ACTR2: variants seen among roughly 807,000 people sequenced by gnomAD.
ACTR2 encodes actin related protein 2.
ACTR2 carries 5 observed loss-of-function variants against 50.2 expected under a neutral mutation model. The ratio of observed to expected loss-of-function variants is 0.10; its 90% CI spans 0.05 to 0.21. The LOEUF (loss-of-function observed/expected upper bound fraction) is 0.21, where lower values mean the gene tolerates loss of function less well. Ranked by LOEUF, ACTR2 falls within the 10% of genes least tolerant of loss-of-function variation. The probability of loss-of-function intolerance (pLI) is 1.00; values close to 1 mark genes in which losing one functional copy is unlikely to be tolerated. For missense variants in ACTR2, 180 were observed against 480.6 expected (o/e 0.37, Z 5.85); for synonymous variants, 140 against 162.9 (o/e 0.86, Z 1.07).
intron 1 of ACTR2, among the ~76,000 whole-genome samples, chr2:65,231,494 G>T (rs1360440261): frequency 6.6e-6 from 1 of 152,132 alleles, no homozygotes; most frequent in African/African-American, 2.4e-5. Context: ...GGAAATAGTT[G>T]TTATCCTAAG....
At chr2:65,251,002 T>C in intron 3 of ACTR2, 25 bp from the exon 4 acceptor site, 5 of 1,547,118 alleles carry the variant, frequency 3.2e-6, no homozygotes, top group Non-Finnish European at 4.4e-6. Context: ...AATACCAGTT[T>C]TTTTCTTTCT....
chr2:65,266,212 A>G (rs1011153384), intron 8 of ACTR2, among the ~76,000 whole-genome samples: 1 of 152,340 alleles, frequency 6.6e-6, no homozygotes, highest in African/African-American at 2.4e-5. Flanking sequence ...AGTGATATGA[A>G]GAAAAGTAAG....
At chr2:65,246,391 T>A in intron 2 of ACTR2, 133 bp from the exon 3 acceptor site, 1 of 660,296 alleles carries the variant, frequency 1.5e-6, no homozygotes. Flanking sequence ...TTGTTCTTGA[T>A]AGAAAAGATT....
chr2:65,247,078 GTTAA>G (rs1238010595), intron 3 of ACTR2, among the ~76,000 whole-genome samples: 1 of 152,104 alleles, frequency 6.6e-6, no homozygotes, highest in Non-Finnish European at 1.5e-5. Context: ...CAGTTACAGA[GTTAA>G]TTAAATGGTT....
Position 65,234,552 on chromosome 2 carries a change from G to C in ACTR2, c.49-5300G>C, listed in dbSNP as rs1366870144. ...TATACTCATAAGAATGTTAAGATACGAACTACCCATCTGAACGATTATAAT... is the reference window on the plus strand; with the variant it reads ...TATACTCATAAGAATGTTAAGATACCAACTACCCATCTGAACGATTATAAT... On this transcript the variant is annotated intron_variant, in intron 1 of 8. Coordinates refer to ENST00000260641, the MANE Select transcript of ACTR2 (RefSeq NM_005722.4). 3.9e-5 allele frequency among the ~76,000 whole-genome samples: 6 copies of C among 152,084 alleles called. No homozygotes were observed. The South Asian group carries it at 1.2e-3, about 31-fold the overall frequency.
intron 7 of ACTR2, 97 bp downstream of exon 7, chr2:65,261,489 G>A (rs1191666708): frequency 1.7e-6 from 2 of 1,184,376 alleles, no homozygotes; most frequent in South Asian, 1.7e-5. Flanking sequence ...TAAATAGAAT[G>A]ACTAAGTTTA....
At chr2:65,238,649 A>ATT (rs1671783356) in intron 1 of ACTR2, among the ~76,000 whole-genome samples, 2 of 135,362 alleles carry the variant, frequency 1.5e-5, no homozygotes, top group African/African-American at 2.8e-5. Context: ...ACAGAGCGAG[A>ATT]CTGTCTAAAA....
At chr2:65,250,919 T>C in intron 3 of ACTR2, 108 bp from the exon 4 acceptor site, 1 of 615,956 alleles carries the variant, frequency 1.6e-6, no homozygotes, top group Non-Finnish European at 2.7e-6. Flanking sequence ...TTCAGGTCCA[T>C]TTGATTCTAT....
chr2:65,237,659 C>T (rs190371452), intron 1 of ACTR2, among the ~76,000 whole-genome samples: 8 of 152,150 alleles, frequency 5.3e-5, no homozygotes, highest in Admixed American at 2.6e-4. Flanking sequence ...CAGACCAGCC[C>T]GTGCAACATA....
Position 65,260,766 on chromosome 2 carries a change from A to T in ACTR2, c.736-481A>T, listed in dbSNP as rs57434359. 8.1e-3 allele frequency among the ~76,000 whole-genome samples: 1,029 copies of T among 126,518 alleles called. 23 individuals carry two copies. Among genetic ancestry groups the T allele is most frequent in the African/African-American group, 0.029 (945 of 32,988 alleles). The allele number at this position is 126,518 out of a possible 152,430, so 83.0% of individuals were successfully genotyped here. ...TTTTTTTGAGATGGAGTCTCGCTCT[A>T]TTGCCCCTGCTGGAGTGCAGTGGCG... On this transcript the variant is annotated intron_variant, in intron 6 of 8. Coordinates refer to ENST00000260641, the MANE Select transcript of ACTR2 (RefSeq NM_005722.4).
At chr2:65,239,378 C>T (rs1038873115) in intron 1 of ACTR2, among the ~76,000 whole-genome samples, 4 of 152,148 alleles carry the variant, frequency 2.6e-5, no homozygotes, top group African/African-American at 9.7e-5. Context: ...CACTTGAACC[C>T]AGGAGGCGGA....
intron 1 of ACTR2, among the ~76,000 whole-genome samples, chr2:65,238,793 C>T (rs1671787251): frequency 6.6e-6 from 1 of 151,692 alleles, no homozygotes; most frequent in African/African-American, 2.4e-5. Context: ...CATGGTGAAA[C>T]CCTGTCTCTA....
intron 3 of ACTR2, 47 bp from the exon 4 acceptor site, chr2:65,250,980 T>C (rs1446823437): frequency 2.3e-6 from 3 of 1,307,828 alleles, no homozygotes; most frequent in Admixed American, 2.0e-5. Context: ...TTATTTATTA[T>C]GTAATTTTCT....
At chr2:65,234,599 ATTATTTGCCAC>A (rs1252374191) in intron 1 of ACTR2, among the ~76,000 whole-genome samples, 4 of 152,158 alleles carry the variant, frequency 2.6e-5, no homozygotes, top group African/African-American at 9.7e-5. Context: ...GAGTGATGTG[ATTATTTGCCAC>A]TTTGCCATGT....
intron 8 of ACTR2, among the ~76,000 whole-genome samples, chr2:65,268,265 G>T (rs1214665707): frequency 6.6e-6 from 1 of 152,148 alleles, no homozygotes; most frequent in Non-Finnish European, 1.5e-5. Flanking sequence ...GTTAAGTCAT[G>T]TAATTTACTG....
chr2:65,230,403 ATTTTTTTTT>A (rs11299935), intron 1 of ACTR2, among the ~76,000 whole-genome samples: 48 of 78,184 alleles, frequency 6.1e-4, no homozygotes, highest in African/African-American at 2.3e-3. Flanking sequence ...ACCGAAGCTG[ATTTTTTTTT>A]TTTTTTTTTT....
chr2:65,268,738 C>G lies in ACTR2; in HGVS notation c.*4C>G. On this transcript the variant is annotated 3_prime_UTR_variant, in exon 9 of 9. Coordinates refer to ENST00000260641, the MANE Select transcript of ACTR2 (RefSeq NM_005722.4). ...ACTTGGTGTGACTGTTCGATAAACT[C>G]CAAAGCTTGTTCCCGTCATACCCGT... 6.2e-7 allele frequency: 1 copy of G among 1,612,760 alleles called. No individual in the cohort carries two copies. The highest frequency in any genetic ancestry group is 8.5e-7 in the Non-Finnish European group (1 of 1,179,398).
In ACTR2 at chr2:65,227,883, C is replaced by T. The variant is rs761841788; in HGVS notation, c.-27C>T. The T allele has an allele frequency of 6.7e-7, 1 of 1,503,628 alleles. No homozygotes were observed. Among genetic ancestry groups the T allele is most frequent in the South Asian group, 1.2e-5 (1 of 80,218 alleles). 93.1% of individuals were successfully genotyped at this position (1,503,628 alleles called of 1,614,324 possible). A position where few individuals can be genotyped will look rare whatever the true frequency, so the allele number is the denominator to read the frequency against. On this transcript the variant is annotated 5_prime_UTR_variant, in exon 1 of 9. Coordinates refer to ENST00000260641, the MANE Select transcript of ACTR2 (RefSeq NM_005722.4). ...GCGGCGGTGGCTGTAGGTTGTGCGG[C>T]TGCAGCGGCTCTTCCCTGGGCGGAC... is the stretch of plus-strand genomic sequence containing the variant.
Position 65,270,934 on chromosome 2 carries a change from T to C in ACTR2, c.*2200T>C, listed in dbSNP as rs1672482691. The C allele has an allele frequency of 6.6e-6, 1 of 152,128 alleles. No individual in the cohort carries two copies. The highest frequency in any genetic ancestry group is 6.6e-5 in the Admixed American group (1 of 15,266). The allele number at this position is 152,128 out of a possible 1,614,324, so 9.4% of individuals were successfully genotyped here. ...AAAAATTCTGTTTTAAAAAGCAATCTGATTCTTAGCTCTTGAAACTATTGC... is the reference window on the plus strand; with the variant it reads ...AAAAATTCTGTTTTAAAAAGCAATCCGATTCTTAGCTCTTGAAACTATTGC... On this transcript the variant is annotated 3_prime_UTR_variant, in exon 9 of 9. Transcript: ENST00000260641.
Sources: gnomAD v4.1 joint callset for allele counts (sites outside exome capture counted in the v4.1 genomes callset) on GRCh38, gnomAD v4.1.1 for gene constraint, MANE v1.5 for transcripts, NCBI Gene and HGNC (gene_info 2026-07-23, HGNC 2026-07-21) for gene names.